RASEF: variants seen among roughly 807,000 people sequenced by gnomAD.
The protein encoded by RASEF is ras and EF-hand domain-containing protein.
Under a neutral mutation model 90.1 loss-of-function variants are expected in RASEF, and 68 were observed. That is an observed-to-expected ratio of 0.75 (90% CI 0.62 to 0.92). The LOEUF (loss-of-function observed/expected upper bound fraction) is 0.92. RASEF is among the 40% of genes least tolerant of loss of function. The pLI is 0.00. For missense variants in RASEF, 949 were observed against 937.2 expected, an observed-to-expected ratio of 1.01 and a Z score of -0.16; for synonymous variants, 331 against 345.2, an observed-to-expected ratio of 0.96 and a Z score of 0.46.
At chr9:83,073,065 G>A in the RASEF span, among the ~76,000 whole-genome samples, 30 of 152,232 alleles carry the variant, frequency 2.0e-4, no homozygotes, top group East Asian at 1.9e-3. Flanking sequence ...TTTGTGGCAC[G>A]TTTCTCTCCA....
At chr9:83,075,908 A>G in the RASEF span, among the ~76,000 whole-genome samples, 2 of 152,086 alleles carry the variant, frequency 1.3e-5, no homozygotes, top group African/African-American at 4.8e-5. Flanking sequence ...GGTGGCTCAC[A>G]CCTGTAATCC....
the RASEF span, among the ~76,000 whole-genome samples, chr9:83,152,511 A>G: frequency 6.6e-6 from 1 of 152,142 alleles, no homozygotes; most frequent in African/African-American, 2.4e-5. Context: ...CTCCCTCCCA[A>G]GCCTCTGCTT....
chr9:83,172,479 G>C, the RASEF span, among the ~76,000 whole-genome samples: 1 of 150,892 alleles, frequency 6.6e-6, no homozygotes, highest in Admixed American at 6.6e-5. Flanking sequence ...GTCTTCTTTT[G>C]TGGACAAGTG....
At chr9:83,064,375 G>T (rs1830263821), upstream of RASEF, among the ~76,000 whole-genome samples, 1 of 152,148 alleles carries the variant, frequency 6.6e-6, no homozygotes. Context: ...TATACAGTTG[G>T]ACAGCTAATA....
chr9:83,005,776 C>T (rs1004356291), intron 7 of RASEF, among the ~76,000 whole-genome samples: 4 of 152,184 alleles, frequency 2.6e-5, no homozygotes, highest in African/African-American at 7.2e-5. Context: ...AAGGTAGCCC[C>T]GCTGATTGAA....
the RASEF span, among the ~76,000 whole-genome samples, chr9:83,117,304 G>A: frequency 6.6e-6 from 1 of 152,188 alleles, no homozygotes; most frequent in Non-Finnish European, 1.5e-5. Context: ...ACAAAGTTCT[G>A]TTTGTCCAGG....
At chr9:83,168,403 G>T in the RASEF span, among the ~76,000 whole-genome samples, 2 of 151,880 alleles carry the variant, frequency 1.3e-5, no homozygotes, top group East Asian at 3.9e-4. Flanking sequence ...TATTTATGAG[G>T]TACATGTGAT....
the RASEF span, among the ~76,000 whole-genome samples, chr9:83,188,329 G>T: frequency 6.6e-6 from 1 of 152,158 alleles, no homozygotes; most frequent in African/African-American, 2.4e-5. Flanking sequence ...AAATTAGAAG[G>T]CAAACTTGAC....
chr9:83,218,671 C>A, the RASEF span, among the ~76,000 whole-genome samples: 2 of 152,304 alleles, frequency 1.3e-5, no homozygotes, highest in East Asian at 1.9e-4. Context: ...ACAGTTTTCC[C>A]TGCTTCTGAG....
rs367980382 is a variant in RASEF at position 83,038,728 on chromosome 9, C to G, written c.432-12807G>C. Among the ~76,000 whole-genome samples, 17 of 152,164 alleles carry G rather than the reference C, an allele frequency of 1.1e-4. No individual in the cohort carries two copies. In the East Asian group the frequency reaches 3.1e-3, roughly 28 times the overall value. Reference sequence around the variant, plus strand: ...TGACTAGAACTAGTACATAGGACCACTATATAATAAAAACAATTTGTCAGA... The same window carrying G: ...TGACTAGAACTAGTACATAGGACCAGTATATAATAAAAACAATTTGTCAGA... On this transcript the variant is annotated intron_variant, in intron 1 of 16. Transcript: ENST00000376447.
chr9:83,091,484 G>A, the RASEF span, among the ~76,000 whole-genome samples: 4 of 152,170 alleles, frequency 2.6e-5, no homozygotes, highest in Non-Finnish European at 5.9e-5. Context: ...GGACCTGGGA[G>A]GCAGAGATTG....
chr9:82,984,910 G>T (rs553929239), intron 16 of RASEF, among the ~76,000 whole-genome samples: 1 of 152,172 alleles, frequency 6.6e-6, no homozygotes, highest in South Asian at 2.1e-4. Flanking sequence ...AGCTACCACA[G>T]ATGCACTCTG....
intron 1 of RASEF, among the ~76,000 whole-genome samples, chr9:83,034,304 C>G (rs1196399106): frequency 2.0e-5 from 3 of 152,166 alleles, no homozygotes; most frequent in African/African-American, 4.8e-5. Flanking sequence ...GGTCCAGGGG[C>G]TGAGGCTTCT....
the RASEF span, among the ~76,000 whole-genome samples, chr9:83,207,984 G>A: frequency 1.3e-5 from 2 of 152,164 alleles, no homozygotes; most frequent in Non-Finnish European, 2.9e-5. Context: ...CTCTCCTTCT[G>A]TTCTTGTAGT....
chr9:83,121,532 C>A, the RASEF span, among the ~76,000 whole-genome samples: 1 of 152,244 alleles, frequency 6.6e-6, no homozygotes, highest in Non-Finnish European at 1.5e-5. Flanking sequence ...TTCACTAAAA[C>A]GTAATTATGT....
chr9:83,214,402 A>G, the RASEF span, among the ~76,000 whole-genome samples: 1 of 152,126 alleles, frequency 6.6e-6, no homozygotes, highest in Non-Finnish European at 1.5e-5. Flanking sequence ...AAATAAATAA[A>G]TATTAATTAA....
the RASEF span, among the ~76,000 whole-genome samples, chr9:83,124,921 A>C: frequency 3.3e-5 from 5 of 152,282 alleles, no homozygotes; most frequent in African/African-American, 1.2e-4. Context: ...AAAACCTGGA[A>C]CCAAAAGCCA....
upstream of RASEF, among the ~76,000 whole-genome samples, chr9:83,065,386 G>T (rs565566166): frequency 3.4e-4 from 52 of 152,304 alleles, no homozygotes; most frequent in Non-Finnish European, 5.6e-4. Context: ...CTGGAAGCTG[G>T]TGCTGGCTGT....
the RASEF span, among the ~76,000 whole-genome samples, chr9:83,219,098 T>G: frequency 2.6e-5 from 4 of 152,210 alleles, no homozygotes; most frequent in Admixed American, 1.3e-4. Context: ...TTTTTAATAA[T>G]GGGCGCAAGA....
Sources: allele counts gnomAD v4.1 joint callset (sites outside exome capture counted in the v4.1 genomes callset), GRCh38; gene constraint gnomAD v4.1.1; transcripts MANE v1.5; gene names NCBI Gene and HGNC (gene_info 2026-07-23, HGNC 2026-07-21).